Variants in VPS13B observed in about 807,000 individuals in gnomAD.
The protein encoded by VPS13B is intermembrane lipid transfer protein VPS13B.
In VPS13B, 285 loss-of-function variants were observed where a neutral mutation model predicts 426.4. That is an observed-to-expected ratio of 0.67 (90% confidence interval 0.61 to 0.74). VPS13B has a LOEUF of 0.74. Ranked by LOEUF, VPS13B falls within the 30% of genes least tolerant of loss-of-function variation. The probability of loss-of-function intolerance (pLI) is 0.00; values close to 1 mark genes in which losing one functional copy is unlikely to be tolerated. For missense variants in VPS13B, 4,537 were observed against 4,782.6 expected (o/e 0.95, Z 1.51); for synonymous variants, 1,676 against 1,676.4 (o/e 1.00, Z 0.01).
chr8:99,756,858 C>T (rs1810666683), intron 39 of VPS13B, among the ~76,000 whole-genome samples: 1 of 152,144 alleles, frequency 6.6e-6, no homozygotes, highest in Non-Finnish European at 1.5e-5. Context: ...TGGGGTCTAT[C>T]TTATTTAATC....
In VPS13B at chr8:99,777,055, T is replaced by A. The variant is rs1373078633; in HGVS notation, c.7429+99T>A. 2.8e-6 allele frequency: 4 copies of A among 1,448,752 alleles called. No individual in the cohort carries two copies. The African/African-American group carries it at 5.6e-5, about 20-fold the overall frequency. The allele number at this position is 1,448,752 out of a possible 1,614,324, so 89.7% of individuals were successfully genotyped here. A position where few individuals can be genotyped will look rare whatever the true frequency, so the allele number is the denominator to read the frequency against. On this transcript the variant is annotated intron_variant, in intron 41 of 61. Transcript: ENST00000357162. The stretch of plus-strand genomic sequence containing the variant: ...AAGTCAACAATCTTAGATAATGTAT[T>A]TTCAGGAAGTATAAAGCGAGCAGTG...
At chr8:99,801,159 C>G (rs1469479383) in intron 43 of VPS13B, among the ~76,000 whole-genome samples, 1 of 152,064 alleles carries the variant, frequency 6.6e-6, no homozygotes, top group Admixed American at 6.6e-5. Flanking sequence ...CCTAAGAGTT[C>G]ACTTTCTCTT....
intron 42 of VPS13B, among the ~76,000 whole-genome samples, chr8:99,780,760 T>G (rs1022544456): frequency 1.3e-5 from 2 of 152,192 alleles, no homozygotes; most frequent in African/African-American, 2.4e-5. Flanking sequence ...CAAGTTTTAA[T>G]GTGGTAGGCA....
At chr8:99,449,249 G>A (rs747961586) in intron 23 of VPS13B, among the ~76,000 whole-genome samples, 11 of 152,188 alleles carry the variant, frequency 7.2e-5, no homozygotes, top group Non-Finnish European at 1.2e-4. Flanking sequence ...GAATAACTCC[G>A]TGGTTCTTAG....
At chr8:99,507,725 G>T in intron 28 of VPS13B, 1 of 1,613,432 alleles carries the variant, frequency 6.2e-7, no homozygotes, top group Non-Finnish European at 8.5e-7. Flanking sequence ...GGCTTTTATT[G>T]CTTTTTGTCT....
chr8:99,460,534 ATTTGTCATACCCAG>A (rs1818768851), intron 23 of VPS13B, among the ~76,000 whole-genome samples: 1 of 152,118 alleles, frequency 6.6e-6, no homozygotes, highest in Non-Finnish European at 1.5e-5. Flanking sequence ...TAACCCACAT[ATTTGTCATACCCAG>A]TGCTCTTCAT....
chr8:99,850,000 T>C (rs1025951418), intron 55 of VPS13B, among the ~76,000 whole-genome samples: 84 of 110,824 alleles, frequency 7.6e-4, no homozygotes, highest in African/African-American at 2.7e-3. Flanking sequence ...TAAGTACGCA[T>C]GTATGTACTT....
At chr8:99,697,411 C>T (rs1486521485) in intron 35 of VPS13B, 2 of 648,832 alleles carry the variant, frequency 3.1e-6, no homozygotes, top group Non-Finnish European at 5.5e-6. Context: ...GACACTGCCC[C>T]CTGCTAGAGA....
intron 19 of VPS13B, among the ~76,000 whole-genome samples, chr8:99,324,706 G>C (rs1810150713): frequency 6.6e-6 from 1 of 152,078 alleles, no homozygotes; most frequent in African/African-American, 2.4e-5. Flanking sequence ...CATTTTTGTT[G>C]ATCACGTATT....
At chr8:99,538,647 C>A (rs965604473) in intron 30 of VPS13B, among the ~76,000 whole-genome samples, 8 of 152,110 alleles carry the variant, frequency 5.3e-5, no homozygotes, top group African/African-American at 1.9e-4. Flanking sequence ...CTGGATATAT[C>A]ATTAATACAT....
At position 99,096,380 on chromosome 8, in the gene VPS13B, C is replaced by A; in HGVS notation, c.360C>A (p.Ile120=). 6.2e-7 allele frequency: 1 copy of A among 1,614,156 alleles called. No homozygotes were observed. Among genetic ancestry groups the A allele is most frequent in the Admixed American group, 1.7e-5 (1 of 60,012 alleles). The part of the protein sequence containing the change: ...RSTAESTKSS[I]KPRRMQQAAP... Reference sequence around the variant, plus strand: ...CTGCTGAGAGCACAAAATCATCAATCAAACCGCGGAGAATGCAGCAGGCTG... The same window carrying A: ...CTGCTGAGAGCACAAAATCATCAATAAAACCGCGGAGAATGCAGCAGGCTG... Residue 120 remains isoleucine, a synonymous_variant, in exon 4 of 62, where the codon ATC becomes ATA. Coordinates refer to ENST00000357162, the MANE Select transcript of VPS13B (RefSeq NM_152564.5).
At chr8:99,569,510 G>T (rs1266242465) in intron 31 of VPS13B, among the ~76,000 whole-genome samples, 1 of 151,262 alleles carries the variant, frequency 6.6e-6, no homozygotes, top group Non-Finnish European at 1.5e-5. Context: ...TTCTTATTCT[G>T]ACTTTTTTGG....
At chr8:99,594,782 G>A (rs986301771) in intron 33 of VPS13B, among the ~76,000 whole-genome samples, 1 of 151,842 alleles carries the variant, frequency 6.6e-6, no homozygotes, top group Non-Finnish European at 1.5e-5. Context: ...AAGCACTGGG[G>A]TTTTTTTCAG....
At chr8:99,123,047 G>C (rs1038866367) in intron 8 of VPS13B, among the ~76,000 whole-genome samples, 2 of 151,404 alleles carry the variant, frequency 1.3e-5, no homozygotes, top group Non-Finnish European at 2.9e-5. Context: ...CTTGAACCCG[G>C]GAGGTGGAGG....
chr8:99,312,062 G>A (rs1256770254), intron 19 of VPS13B, among the ~76,000 whole-genome samples: 2 of 152,134 alleles, frequency 1.3e-5, no homozygotes, highest in Non-Finnish European at 1.5e-5. Flanking sequence ...GAGCCTATGT[G>A]GGTCTCTGCA....
intron 6 of VPS13B, among the ~76,000 whole-genome samples, chr8:99,113,931 T>A: frequency 6.6e-6 from 1 of 152,168 alleles, no homozygotes; most frequent in South Asian, 2.1e-4. Flanking sequence ...GTTGGCTTTT[T>A]ATAATTTTCC....
intron 17 of VPS13B, among the ~76,000 whole-genome samples, chr8:99,232,037 T>C (rs1482987201): frequency 6.6e-6 from 1 of 152,118 alleles, no homozygotes; most frequent in Admixed American, 6.6e-5. Flanking sequence ...CAAGCGTAAG[T>C]TGAGGCTGAC....
At chr8:99,369,546 C>A (rs994886242) in intron 19 of VPS13B, among the ~76,000 whole-genome samples, 1 of 152,106 alleles carries the variant, frequency 6.6e-6, no homozygotes, top group Non-Finnish European at 1.5e-5. Flanking sequence ...GAATAAGAAA[C>A]AATTTAGGCT....
chr8:99,470,412 A>AATG (rs1477225511), intron 24 of VPS13B, among the ~76,000 whole-genome samples: 2 of 152,152 alleles, frequency 1.3e-5, no homozygotes, highest in African/African-American at 4.8e-5. Context: ...AAGCATACTA[A>AATG]ATGAAAAGGC....
Sources: gnomAD v4.1 joint callset for allele counts (sites outside exome capture counted in the v4.1 genomes callset) on GRCh38, gnomAD v4.1.1 for gene constraint, MANE v1.5 for transcripts, NCBI Gene and HGNC (gene_info 2026-07-23, HGNC 2026-07-21) for gene names.